The following PPL variants were observed in gnomAD, a reference collection of about 807,000 sequenced individuals.
PPL encodes 190 kDa paraneoplastic pemphigus antigen.
A neutral mutation model predicts 194.4 loss-of-function variants in PPL; 198 were observed. The observed-to-expected ratio is 1.02, with a 90% CI of 0.91 to 1.15. PPL has a LOEUF of 1.15. PPL is among the 50% of genes most tolerant of loss of function. PPL has a pLI of 0.00. For synonymous variants in PPL, 1,220 were observed against 972.4 expected (o/e 1.25, Z -4.74); for missense variants, 2,885 against 2,294.8 (o/e 1.26, Z -5.25).
At chr16:4,930,108 G>C (rs1322970460) in intron 1 of PPL, among the ~76,000 whole-genome samples, 3 of 152,150 alleles carry the variant, frequency 2.0e-5, no homozygotes, top group African/African-American at 7.2e-5. Flanking sequence ...AACTTGCTTT[G>C]CTTGCTCACT....
At chr16:4,909,073 G>A (rs2088764655) in intron 2 of PPL, among the ~76,000 whole-genome samples, 1 of 152,194 alleles carries the variant, frequency 6.6e-6, no homozygotes, top group South Asian at 2.1e-4. Flanking sequence ...GCAGAGGCCA[G>A]GGAGGCAGGA....
At chr16:4,920,739 G>T (rs2089033688) in intron 1 of PPL, among the ~76,000 whole-genome samples, 1 of 152,152 alleles carries the variant, frequency 6.6e-6, no homozygotes, top group South Asian at 2.1e-4. Context: ...GGAATTACAG[G>T]TGTCAACCAC....
chr16:4,917,176 C>T (rs1464479075), intron 1 of PPL, among the ~76,000 whole-genome samples: 1 of 152,074 alleles, frequency 6.6e-6, no homozygotes, highest in Non-Finnish European at 1.5e-5. Flanking sequence ...ACAAAAAAAT[C>T]TATGCCTGCA....
chr16:4,897,288 T>C (rs1429033548), intron 9 of PPL, among the ~76,000 whole-genome samples: 1 of 124,136 alleles, frequency 8.1e-6, no homozygotes, highest in African/African-American at 3.3e-5. Flanking sequence ...TGAGCCGAGA[T>C]GGCACGACTG....
rs2088293590 is a variant in PPL, at chr16:4,890,231, C to T, written c.2266G>A (p.Glu756Lys). ...LVSIPSYEPQETDSLSQMETK... is the reference protein window; with the variant it reads ...LVSIPSYEPQKTDSLSQMETK... Reference sequence around the variant, plus strand: ...TCCATCTGGCTGAGGCTGTCTGTCTCCTGGGGCTCGTAACTGGGGATGCTG... The same window carrying T: ...TCCATCTGGCTGAGGCTGTCTGTCTTCTGGGGCTCGTAACTGGGGATGCTG... Residue 756 changes from glutamate (E) to lysine (K), a missense_variant, in exon 18 of 22, where the codon GAG (glutamate) becomes AAG (lysine). Coordinates refer to ENST00000345988, the MANE Select transcript of PPL (RefSeq NM_002705.5). The T allele has an allele frequency of 1.2e-6, 2 of 1,614,184 alleles. No individual in the cohort carries two copies. The highest frequency in any genetic ancestry group is 8.5e-7 in the Non-Finnish European group (1 of 1,180,022).
At chr16:4,914,517 G>C (rs553241109) in intron 1 of PPL, among the ~76,000 whole-genome samples, 11 of 152,324 alleles carry the variant, frequency 7.2e-5, no homozygotes, top group African/African-American at 2.6e-4. Flanking sequence ...CTTTGTGGCA[G>C]ACCTGGATAC....
chr16:4,890,786 C>T lies in PPL; in HGVS notation c.2104G>A (p.Ala702Thr), dbSNP rs1384484484. ...EHCPDLERQE[A>T]EVHKLGQRFN... ...CGCTGGCCCAGCTTGTGCACCTCGG[C>T]CTCCTGGCGCTCCAGGTCCGGACAG... The change falls in exon 17 of 22, where the codon GCC becomes ACC. Residue 702 changes from alanine to threonine, a missense_variant. Physicochemically the swap from Ala to Thr is moderately conservative, Grantham distance 58. Transcript: ENST00000345988. The T allele has an allele frequency of 6.2e-7, 1 of 1,607,808 alleles. No individual in the cohort carries two copies. Among genetic ancestry groups the T allele is most frequent in the African/African-American group, 1.3e-5 (1 of 74,968 alleles).
intron 1 of PPL, among the ~76,000 whole-genome samples, chr16:4,917,481 G>A (rs2088947839): frequency 6.6e-6 from 1 of 152,132 alleles, no homozygotes; most frequent in African/African-American, 2.4e-5. Flanking sequence ...GTGGATGAGT[G>A]GTTGCCATGG....
At chr16:4,894,276 C>G (rs952441112) in intron 12 of PPL, among the ~76,000 whole-genome samples, 191 bp downstream of exon 12, 1 of 152,156 alleles carries the variant, frequency 6.6e-6, no homozygotes, top group African/African-American at 2.4e-5. Flanking sequence ...GCTAGACATT[C>G]ATGTTTAGCA....
In PPL at chr16:4,883,926, G is replaced by A. The variant is rs764190511; in HGVS notation, c.4729C>T (p.Leu1577=). ...TCCGATTGGAGCCTTCGGGTCTCCA[G>A]CTGCAGGTTTTGCCTCTCCAGCTGT... ...KLQLERQNLQ[L]ETRRLQSEIN... The change falls in exon 22 of 22, where the codon CTG becomes TTG. Residue 1577 remains leucine (L), a synonymous_variant. Coordinates refer to ENST00000345988, the MANE Select transcript of PPL (RefSeq NM_002705.5). This position sits in a 1 kb window ranked among gnomAD's most constrained non-coding sequence, Gnocchi z 4.8. 6 of 1,613,890 alleles carry A rather than the reference G, an allele frequency of 3.7e-6. No homozygotes were observed. The highest frequency in any genetic ancestry group is 5.1e-6 in the Non-Finnish European group (6 of 1,180,018).
intron 2 of PPL, among the ~76,000 whole-genome samples, chr16:4,904,879 G>A (rs538161199): frequency 8.5e-5 from 13 of 152,292 alleles, no homozygotes; most frequent in Non-Finnish European, 1.8e-4. Context: ...AAGGAACAGA[G>A]CCGGGGGGAT....
At chr16:4,927,936 AAAAT>A (rs906058949) in intron 1 of PPL, among the ~76,000 whole-genome samples, 86 of 152,364 alleles carry the variant, frequency 5.6e-4, no homozygotes, top group African/African-American at 1.9e-3. Flanking sequence ...ATTTCTACCA[AAAAT>A]AAATAAATAA....
intron 11 of PPL, among the ~76,000 whole-genome samples, chr16:4,894,953 T>G (rs1211501514): frequency 2.0e-5 from 3 of 152,214 alleles, no homozygotes; most frequent in African/African-American, 7.2e-5. Context: ...GGGTGGACCC[T>G]GGCATTCCCT....
intron 21 of PPL, 57 bp from the exon 22 acceptor site, chr16:4,886,104 C>T: frequency 6.2e-7 from 1 of 1,602,356 alleles, no homozygotes. Context: ...ACATGTAGGG[C>T]CTGTCCCCAC....
chr16:4,899,310 G>T lies in PPL; in HGVS notation c.681C>A (p.Tyr227Ter), dbSNP rs766601023. The T allele has an allele frequency of 6.2e-7, 1 of 1,613,782 alleles. No homozygotes were observed. The highest frequency in any genetic ancestry group is 1.1e-5 in the South Asian group (1 of 91,086). ...GGCCCTTGGCCTGCTGGTCCAGCCA[G>T]TACAGCTCATTGGTGCAGCGCTGCA... The part of the protein sequence containing the change: ...DYMQRCTNEL[Y>*]WLDQQAKGRM... Residue 227 changes from tyrosine (Y) to a stop codon, truncating the protein, a stop_gained, in exon 7 of 22, where the codon TAC becomes TAA. Coordinates refer to ENST00000345988, the MANE Select transcript of PPL (RefSeq NM_002705.5). LOFTEE classifies it high-confidence loss of function.
At chr16:4,920,695 A>G (rs2089032835) in intron 1 of PPL, among the ~76,000 whole-genome samples, 1 of 152,298 alleles carries the variant, frequency 6.6e-6, no homozygotes, top group South Asian at 2.1e-4. Flanking sequence ...ACTCCTGATC[A>G]GGTGATCTGC....
chr16:4,935,304 G>A (rs2142438785), intron 1 of PPL, among the ~76,000 whole-genome samples: 1 of 152,162 alleles, frequency 6.6e-6, no homozygotes, highest in Admixed American at 6.5e-5. Flanking sequence ...ACGAAGGAGG[G>A]AGGCTGGGAG....
chr16:4,912,874 C>A (rs1477421108), intron 1 of PPL, among the ~76,000 whole-genome samples: 1 of 152,152 alleles, frequency 6.6e-6, no homozygotes, highest in Admixed American at 6.6e-5. Context: ...GAGGCCAAGG[C>A]GGGCGAATCA....
rs1016847665 is a variant in PPL at position 4,884,700 on chromosome 16, G to T, written c.3955C>A (p.Gln1319Lys). 6.2e-7 allele frequency: 1 copy of T among 1,613,936 alleles called. No individual in the cohort carries two copies. Among genetic ancestry groups the T allele is most frequent in the African/African-American group, 1.3e-5 (1 of 74,876 alleles). Residue 1319 changes from glutamine (Q) to lysine (K), a missense_variant, in exon 22 of 22, where the codon CAG becomes AAG. Transcript: ENST00000345988. The surrounding 1 kb of genome is among the most constrained non-coding windows in gnomAD (Gnocchi z 5.7). ...CTCTCCAGATCCACTTGTTTCTTCTGCTCCTCTGAGAGCTTTGCCCTCAGA... is the reference window on the plus strand; with the variant it reads ...CTCTCCAGATCCACTTGTTTCTTCTTCTCCTCTGAGAGCTTTGCCCTCAGA... ...ASLRAKLSEE[Q>K]KKQVDLERER... is the part of the protein sequence containing the mutation.
Sources: allele counts gnomAD v4.1 joint callset (sites outside exome capture counted in the v4.1 genomes callset), GRCh38; gene constraint gnomAD v4.1.1; non-coding constraint Gnocchi (gnomAD v3.1); transcripts MANE v1.5; gene names NCBI Gene and HGNC (gene_info 2026-07-23, HGNC 2026-07-21).